The following GPR89A variants were observed in gnomAD, a reference collection of about 807,000 sequenced individuals.
GPR89A encodes the protein G protein-coupled receptor 89A.
In GPR89A, 16 loss-of-function variants were observed where a neutral mutation model predicts 52.0. The ratio of observed to expected loss-of-function variants is 0.31; its 90% CI spans 0.21 to 0.47. GPR89A has a LOEUF of 0.47. GPR89A is among the 20% of genes least tolerant of loss of function. The pLI is 1.00. For missense variants in GPR89A, 135 were observed against 449.4 expected (o/e 0.30, Z 6.33); for synonymous variants, 55 against 150.9 (o/e 0.36, Z 4.66).
At chr1:145,639,746 CAAA>C (rs71584625) in intron 7 of GPR89A, among the ~76,000 whole-genome samples, 2 of 131,238 alleles carry the variant, frequency 1.5e-5, no homozygotes, top group Non-Finnish European at 3.2e-5. Flanking sequence ...AACTCTGTCT[CAAA>C]AAAAAAAAAA....
chr1:145,622,080 C>T (rs1649180426), intron 3 of GPR89A, among the ~76,000 whole-genome samples: 1 of 151,776 alleles, frequency 6.6e-6, no homozygotes. Flanking sequence ...CCATTTCTAC[C>T]TAAAGAGAAA....
intron 1 of GPR89A, among the ~76,000 whole-genome samples, chr1:145,611,986 A>G (rs1648317771): frequency 6.6e-6 from 1 of 152,166 alleles, no homozygotes; most frequent in Non-Finnish European, 1.5e-5. Context: ...GATCACTGCT[A>G]TAGTTTGTTT....
At chr1:145,624,889 T>TA (rs1243313241) in intron 5 of GPR89A, among the ~76,000 whole-genome samples, 1 of 141,622 alleles carries the variant, frequency 7.1e-6, no homozygotes, top group African/African-American at 2.7e-5. Flanking sequence ...ACCTAGGTAA[T>TA]ATTTAAAACC....
At chr1:145,638,909 G>A (rs1208038452) in intron 7 of GPR89A, among the ~76,000 whole-genome samples, 1 of 147,606 alleles carries the variant, frequency 6.8e-6, no homozygotes, top group Non-Finnish European at 1.5e-5. Context: ...GATTGTTTGA[G>A]CCCAGGAGTT....
chr1:145,647,620 A>G (rs1304943721), intron 10 of GPR89A, among the ~76,000 whole-genome samples: 3 of 151,602 alleles, frequency 2.0e-5, no homozygotes, highest in Non-Finnish European at 4.4e-5. Context: ...CCTGGCCAAC[A>G]TGGTGAAACC....
intron 10 of GPR89A, among the ~76,000 whole-genome samples, chr1:145,654,077 G>T (rs1386436841): frequency 2.0e-5 from 3 of 152,196 alleles, no homozygotes; most frequent in African/African-American, 7.2e-5. Context: ...GTGTACTTCA[G>T]TGTGTTTTTG....
At position 145,632,337 on chromosome 1, in the gene GPR89A, G is replaced by GA. The variant is rs587625844; in HGVS notation, c.617+601dup. Among the ~76,000 whole-genome samples the GA allele has an allele frequency of 6.8e-4, 103 of 151,478 alleles. 2 individuals are homozygous for GA. The highest frequency in any genetic ancestry group is 2.4e-3 in the African/African-American group (99 of 41,284). Reference sequence around the variant, plus strand: ...ATCATGCTGTACAGTATGTTGCAAAGAAAAAAAACCTTATTCCTCCTTGTC... The same window carrying GA: ...ATCATGCTGTACAGTATGTTGCAAAGAAAAAAAAACCTTATTCCTCCTTGTC... On this transcript the variant is annotated intron_variant, in intron 7 of 13. Transcript: ENST00000313835.
chr1:145,653,246 C>CA (rs1651586261), intron 10 of GPR89A, among the ~76,000 whole-genome samples: 1 of 150,944 alleles, frequency 6.6e-6, no homozygotes, highest in Non-Finnish European at 1.5e-5. Context: ...AGGAGTCATT[C>CA]AGGAGCAGGT....
At chr1:145,628,409 A>G (rs1314057355) in intron 5 of GPR89A, among the ~76,000 whole-genome samples, 4 of 152,124 alleles carry the variant, frequency 2.6e-5, no homozygotes, top group Admixed American at 6.5e-5. Flanking sequence ...AAAAGAGCCA[A>G]TGAAACAAGG....
At chr1:145,669,233 T>C (rs1395085199) in intron 12 of GPR89A, among the ~76,000 whole-genome samples, 1 of 147,330 alleles carries the variant, frequency 6.8e-6, no homozygotes, top group Non-Finnish European at 1.5e-5. Context: ...GAGAAGTGGC[T>C]GGGACAGGAA....
At chr1:145,628,620 C>T (rs1196995111) in intron 5 of GPR89A, among the ~76,000 whole-genome samples, 4 of 151,916 alleles carry the variant, frequency 2.6e-5, no homozygotes, top group African/African-American at 9.7e-5. Flanking sequence ...ATATCTACCT[C>T]ATAGGATTGT....
intron 10 of GPR89A, among the ~76,000 whole-genome samples, chr1:145,659,024 G>C (rs1285642328): frequency 1.3e-5 from 2 of 151,902 alleles, no homozygotes; most frequent in Non-Finnish European, 1.5e-5. Flanking sequence ...TGATCCACTA[G>C]CCTCGGCCTC....
rs587666594 is a variant in GPR89A at position 145,627,270 on chromosome 1, A to G, written c.416-3417A>G. ...ACTTTAAACCAGAAAAAGATATGTA[A>G]TAAAAGGACAAAGACACCATGTTAA... On this transcript the variant is annotated intron_variant, in intron 5 of 13. Transcript: ENST00000313835. 1.2e-3 allele frequency among the ~76,000 whole-genome samples: 178 copies of G among 152,058 alleles called. 1 individual carries two copies. The highest frequency in any genetic ancestry group is 4.1e-3 in the African/African-American group (169 of 41,460).
intron 10 of GPR89A, among the ~76,000 whole-genome samples, chr1:145,647,798 C>T (rs1166344990): frequency 1.9e-4 from 1 of 5,348 alleles, no homozygotes; most frequent in Non-Finnish European, 3.0e-4. Context: ...GGCGAGACTC[C>T]ATCTCTCTCT....
At chr1:145,608,363 G>A in intron 1 of GPR89A, 188 bp downstream of exon 1, 14 of 1,100,098 alleles carry the variant, frequency 1.3e-5, no homozygotes, top group Non-Finnish European at 1.8e-5. Flanking sequence ...GCTGTCAGGA[G>A]ACTGGCCTGC....
chr1:145,648,487 C>CTTTTTT (rs782293369), intron 10 of GPR89A, among the ~76,000 whole-genome samples: 1 of 147,032 alleles, frequency 6.8e-6, no homozygotes. Context: ...GGAAGCATGT[C>CTTTTTT]TTTTTTTTTT....
At chr1:145,609,108 G>A (rs587698608) in intron 1 of GPR89A, among the ~76,000 whole-genome samples, 1 of 152,284 alleles carries the variant, frequency 6.6e-6, no homozygotes, top group East Asian at 1.9e-4. Flanking sequence ...ACTGCCTGTT[G>A]ACCTTCTTCC....
chr1:145,659,332 A>C (rs1367509240), intron 10 of GPR89A, among the ~76,000 whole-genome samples: 3 of 151,666 alleles, frequency 2.0e-5, no homozygotes, highest in Non-Finnish European at 4.4e-5. Context: ...TTACAGGCGC[A>C]TGCAACCACT....
chr1:145,647,043 T>C (rs1291730102), intron 9 of GPR89A, 132 bp from the exon 10 acceptor site: 4 of 1,385,786 alleles, frequency 2.9e-6, no homozygotes, highest in African/African-American at 1.5e-5. Flanking sequence ...ACTACTGTTA[T>C]TAGTTTAATA....
Sources: allele counts gnomAD v4.1 joint callset (sites outside exome capture counted in the v4.1 genomes callset), GRCh38; gene constraint gnomAD v4.1.1; transcripts MANE v1.5; gene names NCBI Gene and HGNC (gene_info 2026-07-23, HGNC 2026-07-21).